The following AK2 variants were observed in gnomAD, a reference collection of about 807,000 sequenced individuals.
The protein encoded by AK2 is adenylate kinase 2, also known as adenylate kinase 2, mitochondrial.
In AK2, 15 loss-of-function variants were observed where a neutral mutation model predicts 24.6. That is an observed-to-expected ratio of 0.61 (90% CI 0.41 to 0.94). The LOEUF (loss-of-function observed/expected upper bound fraction) is 0.94, where lower values mean the gene tolerates loss of function less well. Among genes scored for constraint, AK2 ranks in the 40% least tolerant of loss-of-function variants. The pLI, the probability that AK2 is intolerant of heterozygous loss-of-function variation, is 0.00. For missense variants in AK2, 257 were observed against 304.1 expected (o/e 0.85, Z 1.15); for synonymous variants, 102 against 114.0 (o/e 0.90, Z 0.67).
chr1:33,012,916 A>T lies in AK2; in HGVS notation c.*265T>A. 1.4e-6 allele frequency: 2 copies of T among 1,428,166 alleles called. No individual in the cohort carries two copies. Among genetic ancestry groups the T allele is most frequent in the Non-Finnish European group, 1.9e-6 (2 of 1,078,246 alleles). The allele number at this position is 1,428,166 out of a possible 1,614,324, so 88.5% of individuals were successfully genotyped here. A position where few individuals can be genotyped will look rare whatever the true frequency, so the allele number is the denominator to read the frequency against. On this transcript the variant is annotated 3_prime_UTR_variant, in exon 6 of 6. Transcript: ENST00000672715. Reference sequence around the variant, plus strand: ...TTGTCTCAAAACAACAACAAAAAAGAAGTAAACAGCTGGTAAAGCAACCTA... The same window carrying T: ...TTGTCTCAAAACAACAACAAAAAAGTAGTAAACAGCTGGTAAAGCAACCTA...
rs546459583 is a variant in AK2 at position 33,030,403 on chromosome 1, T to A, written c.94-5836A>T. Among the ~76,000 whole-genome samples the A allele has an allele frequency of 3.7e-3, 569 of 152,148 alleles. 1 individual carries two copies. The highest frequency in any genetic ancestry group is 0.013 in the African/African-American group (530 of 41,510). ...GACCCCATTTCTACATTTTTTTTTTTAATTAGCTGGGCATGGTGGCAGGTA... is the reference window on the plus strand; with the variant it reads ...GACCCCATTTCTACATTTTTTTTTTAAATTAGCTGGGCATGGTGGCAGGTA... On this transcript the variant is annotated intron_variant, in intron 1 of 5. Coordinates refer to ENST00000672715, the MANE Select transcript of AK2 (RefSeq NM_001625.4).
At chr1:33,029,929 T>A (rs1168963841) in intron 1 of AK2, among the ~76,000 whole-genome samples, 5 of 152,226 alleles carry the variant, frequency 3.3e-5, no homozygotes, top group Non-Finnish European at 2.9e-5. Context: ...AAAACACTGT[T>A]GGATATGCTA....
In AK2 at chr1:33,013,096, C is replaced by T; in HGVS notation, c.*85G>A. On this transcript the variant is annotated 3_prime_UTR_variant, in exon 6 of 6. Transcript: ENST00000672715. ...ATACATCAAATGATATTTTTGCTAGCCTGAGGAAGCTTCTCTTTGCCTGTC... is the reference window on the plus strand; with the variant it reads ...ATACATCAAATGATATTTTTGCTAGTCTGAGGAAGCTTCTCTTTGCCTGTC... The T allele has an allele frequency of 6.2e-7, 1 of 1,611,942 alleles. No homozygotes were observed. The highest frequency in any genetic ancestry group is 1.3e-5 in the African/African-American group (1 of 75,020).
chr1:33,020,288 A>G lies in AK2; in HGVS notation c.425+1079T>C, dbSNP rs1639456119. 2.4e-5 allele frequency: 18 copies of G among 748,346 alleles called. No individual in the cohort carries two copies. The East Asian group carries it at 5.1e-4, about 21-fold the overall frequency. 46.4% of individuals were successfully genotyped at this position (748,346 alleles called of 1,614,324 possible). Reference sequence around the variant, plus strand: ...TTTTCTAAACTTTGTACAGATGGTTATATTATTTTTACAATAAAAAGTCTA... The same window carrying G: ...TTTTCTAAACTTTGTACAGATGGTTGTATTATTTTTACAATAAAAAGTCTA... On this transcript the variant is annotated intron_variant, in intron 4 of 5. Transcript: ENST00000672715.
At position 33,008,900 on chromosome 1, in the gene AK2, ATTC is replaced by A. The variant is rs1638635322; in HGVS notation, c.*4278_*4280del. The A allele has an allele frequency of 2.2e-6, 1 of 454,022 alleles. No homozygotes were observed. Among genetic ancestry groups the A allele is most frequent in the Non-Finnish European group, 4.4e-6 (1 of 226,800 alleles). 28.1% of individuals were successfully genotyped at this position (454,022 alleles called of 1,614,324 possible). A position where few individuals can be genotyped will look rare whatever the true frequency, so the allele number is the denominator to read the frequency against. On this transcript the variant is annotated 3_prime_UTR_variant, in exon 6 of 6. Coordinates refer to ENST00000672715, the MANE Select transcript of AK2 (RefSeq NM_001625.4). ...ATAGCTCACCCAGTCTTCTCTGTTTATTCTTCTCAACTACACCATGCTGCTTTG... is the reference window on the plus strand; with the variant it reads ...ATAGCTCACCCAGTCTTCTCTGTTTATTCTCAACTACACCATGCTGCTTTG...
rs568932096 is a variant in AK2, at chr1:33,007,989, C to T, written c.*5192G>A. 1.5e-5 allele frequency: 7 copies of T among 453,464 alleles called. No individual in the cohort carries two copies. The highest frequency in any genetic ancestry group is 2.6e-5 in the Non-Finnish European group (6 of 226,622). 28.1% of individuals were successfully genotyped at this position (453,464 alleles called of 1,614,324 possible). A position where few individuals can be genotyped will look rare whatever the true frequency, so the allele number is the denominator to read the frequency against. The stretch of plus-strand genomic sequence containing the variant: ...GAGATAATGCATGCAGAACCTCTCA[C>T]ACAGCTAAGAATTTAATATGTTAGA... On this transcript the variant is annotated 3_prime_UTR_variant, in exon 6 of 6. Transcript: ENST00000672715.
rs900343296 is a variant in AK2 at position 33,009,102 on chromosome 1, G to A, written c.*4079C>T. On this transcript the variant is annotated 3_prime_UTR_variant, in exon 6 of 6. Coordinates refer to ENST00000672715, the MANE Select transcript of AK2 (RefSeq NM_001625.4). Reference sequence around the variant, plus strand: ...GTGAGGAAGTGGAGCAGAAGAGGGAGGGGCTGGTTCAGGGAACAGGATTTA... The same window carrying A: ...GTGAGGAAGTGGAGCAGAAGAGGGAAGGGCTGGTTCAGGGAACAGGATTTA... The A allele has an allele frequency of 1.3e-5, 6 of 453,630 alleles. No homozygotes were observed. Among genetic ancestry groups the A allele is most frequent in the African/African-American group, 1.0e-4 (5 of 49,964 alleles). 28.1% of individuals were successfully genotyped at this position (453,630 alleles called of 1,614,324 possible). A position where few individuals can be genotyped will look rare whatever the true frequency, so the allele number is the denominator to read the frequency against.
At chr1:33,020,544 C>G (rs1639473020) in intron 4 of AK2, among the ~76,000 whole-genome samples, 1 of 152,126 alleles carries the variant, frequency 6.6e-6, no homozygotes, top group Non-Finnish European at 1.5e-5. Context: ...CCTAGGGTCA[C>G]AGTTAAAAAG....
At position 33,036,880 on chromosome 1, in the gene AK2, G is replaced by A. The variant is rs752238570; in HGVS notation, c.-52C>T. On this transcript the variant is annotated 5_prime_UTR_variant, in exon 1 of 6. Transcript: ENST00000672715. ...AGTTCGCACGCCTCACAGGTCCAGT[G>A]CTTCCCAGGTCAACGCACGCACGCC... is the stretch of plus-strand genomic sequence containing the variant. 1.4e-6 allele frequency: 2 copies of A among 1,471,856 alleles called. No individual in the cohort carries two copies. Among genetic ancestry groups the A allele is most frequent in the East Asian group, 4.9e-5 (2 of 41,030 alleles). 91.2% of individuals were successfully genotyped at this position (1,471,856 alleles called of 1,614,324 possible). A position where few individuals can be genotyped will look rare whatever the true frequency, so the allele number is the denominator to read the frequency against.
In AK2 at chr1:33,011,423, CA is replaced by C. The variant is rs1421657485; in HGVS notation, c.*1757del. ...TTGGTTTAGAGCCAGGAAAACAAGG[CA>C]GGACAGAGGCAGCAGACACTCACTT... On this transcript the variant is annotated 3_prime_UTR_variant, in exon 6 of 6. Coordinates refer to ENST00000672715, the MANE Select transcript of AK2 (RefSeq NM_001625.4). The C allele has an allele frequency of 7.8e-7, 1 of 1,287,188 alleles. No homozygotes were observed. The highest frequency in any genetic ancestry group is 1.5e-5 in the African/African-American group (1 of 65,748). 79.7% of individuals were successfully genotyped at this position (1,287,188 alleles called of 1,614,324 possible).
Position 33,011,587 on chromosome 1 carries a change from A to G in AK2, c.*1594T>C. The G allele has an allele frequency of 7.8e-7, 1 of 1,287,920 alleles. No homozygotes were observed. Among genetic ancestry groups the G allele is most frequent in the Non-Finnish European group, 1.0e-6 (1 of 989,224 alleles). The allele number at this position is 1,287,920 out of a possible 1,614,324, so 79.8% of individuals were successfully genotyped here. A position where few individuals can be genotyped will look rare whatever the true frequency, so the allele number is the denominator to read the frequency against. On this transcript the variant is annotated 3_prime_UTR_variant, in exon 6 of 6. Coordinates refer to ENST00000672715, the MANE Select transcript of AK2 (RefSeq NM_001625.4). The stretch of plus-strand genomic sequence containing the variant: ...GGCTGGGCACTTTAGAGTCCACTGA[A>G]TCGAGTCAGCAGCAGATTATGCTGA...
chr1:33,012,592 A>G lies in AK2; in HGVS notation c.*589T>C, dbSNP rs1638894308. ...TTGGTCAAAAAATAAAATCAAAAGT[A>G]TGGTTAAAGAAGTAAACAGCTGGGC... On this transcript the variant is annotated 3_prime_UTR_variant, in exon 6 of 6. Transcript: ENST00000672715. The G allele has an allele frequency of 7.7e-7, 1 of 1,292,766 alleles. No individual in the cohort carries two copies. The highest frequency in any genetic ancestry group is 2.3e-5 in the Admixed American group (1 of 43,676). The allele number at this position is 1,292,766 out of a possible 1,614,324, so 80.1% of individuals were successfully genotyped here.
At chr1:33,026,140 C>A (rs2124353678) in intron 1 of AK2, among the ~76,000 whole-genome samples, 1 of 152,358 alleles carries the variant, frequency 6.6e-6, no homozygotes, top group African/African-American at 2.4e-5. Flanking sequence ...GTTTTATAAA[C>A]TAAGCAGGTT....
chr1:33,036,355 C>T (rs1640577651), intron 1 of AK2, among the ~76,000 whole-genome samples: 2 of 152,198 alleles, frequency 1.3e-5, no homozygotes, highest in African/African-American at 4.8e-5. Context: ...GGACAATTCA[C>T]CTCCAACTCG....
In AK2 at chr1:33,011,165, T is replaced by A. The variant is rs191104019; in HGVS notation, c.*2016A>T. 1 of 1,342,798 alleles carries A rather than the reference T, an allele frequency of 7.4e-7. No homozygotes were observed. The highest frequency in any genetic ancestry group is 3.5e-5 in the East Asian group (1 of 28,780). The allele number at this position is 1,342,798 out of a possible 1,614,324, so 83.2% of individuals were successfully genotyped here. A position where few individuals can be genotyped will look rare whatever the true frequency, so the allele number is the denominator to read the frequency against. ...TGGGCAAGGATCATGCACATAAAAT[T>A]AGCAAACATTCAAGAACCTCAACTT... On this transcript the variant is annotated 3_prime_UTR_variant, in exon 6 of 6. Coordinates refer to ENST00000672715, the MANE Select transcript of AK2 (RefSeq NM_001625.4).
rs368289891 is a variant in AK2, at chr1:33,013,336, C to T, written c.565G>A (p.Ala189Thr). ...AGTGGGGTGGTTTGAGTGTGGTAGGCTTGCAGGCGGATTTTCAAGGCCTTT... is the reference window on the plus strand; with the variant it reads ...AGTGGGGTGGTTTGAGTGTGGTAGGTTTGCAGGCGGATTTTCAAGGCCTTT... ...NEKALKIRLQ[A>T]YHTQTTPLIE... The change falls in exon 6 of 6, where the codon GCC becomes ACC. Residue 189 changes from alanine to threonine, a missense_variant. Physicochemically the swap from Ala to Thr is moderately conservative, Grantham distance 58 (BLOSUM62 0). Coordinates refer to ENST00000672715, the MANE Select transcript of AK2 (RefSeq NM_001625.4). 11 of 1,613,992 alleles carry T rather than the reference C, an allele frequency of 6.8e-6. No homozygotes were observed. Among genetic ancestry groups the T allele is most frequent in the African/African-American group, 1.3e-5 (1 of 74,922 alleles).
chr1:33,022,351 C>CTTTTTTTT (rs397862465), intron 2 of AK2, among the ~76,000 whole-genome samples: 1 of 112,370 alleles, frequency 8.9e-6, no homozygotes, highest in Non-Finnish European at 1.8e-5. Flanking sequence ...TCTTCCCTCA[C>CTTTTTTTT]TTTTTTTTTT....
At position 33,008,317 on chromosome 1, in the gene AK2, T is replaced by A; in HGVS notation, c.*4864A>T. On this transcript the variant is annotated 3_prime_UTR_variant, in exon 6 of 6. Coordinates refer to ENST00000672715, the MANE Select transcript of AK2 (RefSeq NM_001625.4). ...GCATGGTGAAGTCGCTGTTGAAATC[T>A]GTCTTCTGACTCGTTGCTCTGTCTT... is the stretch of plus-strand genomic sequence containing the variant. 1 of 454,092 alleles carries A rather than the reference T, an allele frequency of 2.2e-6. No homozygotes were observed. Among genetic ancestry groups the A allele is most frequent in the Non-Finnish European group, 4.4e-6 (1 of 226,754 alleles). The allele number at this position is 454,092 out of a possible 1,614,324, so 28.1% of individuals were successfully genotyped here.
intron 1 of AK2, among the ~76,000 whole-genome samples, chr1:33,025,213 GAATAAA>G (rs1639806476): frequency 7.4e-6 from 1 of 135,716 alleles, no homozygotes; most frequent in East Asian, 2.3e-4. Flanking sequence ...AAAAAAAAGA[GAATAAA>G]AATAGTACCA....
Sources: allele counts gnomAD v4.1 joint callset (sites outside exome capture counted in the v4.1 genomes callset), GRCh38; gene constraint gnomAD v4.1.1; transcripts MANE v1.5; gene names NCBI Gene and HGNC (gene_info 2026-07-23, HGNC 2026-07-21).